Variants in USP1 observed in about 807,000 individuals in gnomAD.
The protein encoded by USP1 is ubiquitin specific peptidase 1.
A neutral mutation model predicts 72.2 loss-of-function variants in USP1; 18 were observed. That is an observed-to-expected ratio of 0.25 (90% CI 0.17 to 0.37). The LOEUF is 0.37. Among genes scored for constraint, USP1 ranks in the 10% least tolerant of loss-of-function variants. The probability of loss-of-function intolerance (pLI) is 1.00; values close to 1 mark genes in which losing one functional copy is unlikely to be tolerated. For synonymous variants in USP1, 354 were observed against 303.7 expected (o/e 1.17, Z -1.72); for missense variants, 759 against 884.9 (o/e 0.86, Z 1.81).
At chr1:62,445,813 T>C (rs1485232314) in intron 6 of USP1, among the ~76,000 whole-genome samples, 3 of 152,098 alleles carry the variant, frequency 2.0e-5, no homozygotes, top group African/African-American at 7.2e-5. Flanking sequence ...ACCCCGTCTC[T>C]ACTAAAAATG....
chr1:62,448,738 G>A (rs765646873), intron 8 of USP1, 72 bp downstream of exon 8: 199 of 1,432,766 alleles, frequency 1.4e-4, no homozygotes, highest in Non-Finnish European at 1.8e-4. Context: ...TCAAAATGCT[G>A]TAATAGTAGG....
chr1:62,436,602 G>GT (rs1645088848), upstream of USP1: 1 of 152,882 alleles, frequency 6.5e-6, no homozygotes. Context: ...GGGAGGCGCG[G>GT]TTTTGGGGAT....
At position 62,445,176 on chromosome 1, in the gene USP1, A is replaced by T; in HGVS notation, c.996A>T (p.Gln332His). The T allele has an allele frequency of 6.2e-7, 1 of 1,612,706 alleles. No individual in the cohort carries two copies. Among genetic ancestry groups the T allele is most frequent in the East Asian group, 2.2e-5 (1 of 44,826 alleles). ...ISENESPRPS[Q>H]KKSRVKINWL... is the part of the protein sequence containing the mutation. ...AAAATGAGAGTCCAAGACCCTCACA[A>T]AAGAAATCAAGAGTTAAAATAAATT... is the stretch of plus-strand genomic sequence containing the variant. Residue 332 changes from glutamine (Q) to histidine (H), a missense_variant, in exon 6 of 9, where the codon CAA (glutamine) becomes CAT (histidine). By Grantham distance (24) the Gln-to-His change is conservative. Transcript: ENST00000339950.
chr1:62,436,813 C>G (rs1394599997), upstream of USP1: 1 of 278,416 alleles, frequency 3.6e-6, no homozygotes, highest in Non-Finnish European at 6.7e-6. Context: ...GCACGAGCTG[C>G]CCGGCTCTGT....
At chr1:62,437,885 T>A (rs1645102696) in intron 1 of USP1, among the ~76,000 whole-genome samples, 1 of 152,230 alleles carries the variant, frequency 6.6e-6, no homozygotes, top group African/African-American at 2.4e-5. Flanking sequence ...CCTTGTAGAT[T>A]TTTGTTGAAA....
intron 5 of USP1, among the ~76,000 whole-genome samples, 193 bp from the exon 6 acceptor site, chr1:62,444,542 TATA>T (rs1553145292): frequency 6.6e-6 from 1 of 152,192 alleles, no homozygotes; most frequent in African/African-American, 2.4e-5. Flanking sequence ...ATCAAAGTAT[TATA>T]ATGAAAATAG....
At position 62,437,329 on chromosome 1, in the gene USP1, G is replaced by A; in HGVS notation, c.-141G>A. The A allele has an allele frequency of 2.5e-6, 1 of 396,184 alleles. No individual in the cohort carries two copies. The highest frequency in any genetic ancestry group is 4.4e-6 in the Non-Finnish European group (1 of 224,998). 24.5% of individuals were successfully genotyped at this position (396,184 alleles called of 1,614,324 possible). ...GCGGGCTCGGGGCAGGGACTCACCT[G>A]TCGCACCCACACTCATTCGGGTTGG... is the stretch of plus-strand genomic sequence containing the variant. On this transcript the variant is annotated 5_prime_UTR_variant, in exon 1 of 9. Coordinates refer to ENST00000339950, the MANE Select transcript of USP1 (RefSeq NM_003368.5).
chr1:62,451,097 C>A lies in USP1; in HGVS notation c.*116C>A. ...TGAAGCTACTGGATATTATTGGTCT[C>A]TCTAGGTTTTTATATAAATAGTGAA... On this transcript the variant is annotated 3_prime_UTR_variant, in exon 9 of 9. Transcript: ENST00000339950. The A allele has an allele frequency of 1.9e-6, 2 of 1,056,798 alleles. No individual in the cohort carries two copies. The highest frequency in any genetic ancestry group is 2.7e-5 in the East Asian group (1 of 36,560). The allele number at this position is 1,056,798 out of a possible 1,614,324, so 65.5% of individuals were successfully genotyped here. A position where few individuals can be genotyped will look rare whatever the true frequency, so the allele number is the denominator to read the frequency against.
chr1:62,446,100 AT>A (rs1452515852), intron 6 of USP1, among the ~76,000 whole-genome samples: 1 of 152,232 alleles, frequency 6.6e-6, no homozygotes, highest in African/African-American at 2.4e-5. Flanking sequence ...ATTTAGTGAA[AT>A]TTTAAAAGTA....
In USP1 at chr1:62,451,583, A is replaced by T. The variant is rs1645221499; in HGVS notation, c.*602A>T. 1 of 152,700 alleles carries T rather than the reference A, an allele frequency of 6.5e-6. No homozygotes were observed. Among genetic ancestry groups the T allele is most frequent in the African/African-American group, 2.4e-5 (1 of 41,432 alleles). The allele number at this position is 152,700 out of a possible 1,614,324, so 9.5% of individuals were successfully genotyped here. A position where few individuals can be genotyped will look rare whatever the true frequency, so the allele number is the denominator to read the frequency against. The stretch of plus-strand genomic sequence containing the variant: ...TATGTATTTATGAAGATGATTCTGT[A>T]CCCTAGTATATCTTTTTGGGCATGG... On this transcript the variant is annotated 3_prime_UTR_variant, in exon 9 of 9. Transcript: ENST00000339950.
rs1212708878 is a variant in USP1 at position 62,443,103 on chromosome 1, G to A, written c.397-56G>A. 3.2e-6 allele frequency: 5 copies of A among 1,549,072 alleles called. No homozygotes were observed. In the East Asian group the frequency reaches 1.2e-4, roughly 36 times the overall value. On this transcript the variant is annotated intron_variant, in intron 4 of 8. Transcript: ENST00000339950. ...TCTTAAGTGAGACAAAGACAAAGGG[G>A]GAAGGTACTTAATTTGTTCATAAAA...
At position 62,444,907 on chromosome 1, in the gene USP1, A is replaced by C; in HGVS notation, c.727A>C (p.Met243Leu). The C allele has an allele frequency of 6.2e-7, 1 of 1,613,778 alleles. No individual in the cohort carries two copies. The highest frequency in any genetic ancestry group is 2.2e-5 in the East Asian group (1 of 44,780). The change falls in exon 6 of 9, where the codon ATG (methionine) becomes CTG (leucine). Residue 243 changes from methionine to leucine, a missense_variant. By Grantham distance (15) the Met-to-Leu change is conservative. This residue lies in a region of USP1 where 245 missense variants were observed against 240.7 expected (regional missense o/e 1.02). Coordinates refer to ENST00000339950, the MANE Select transcript of USP1 (RefSeq NM_003368.5). The stretch of plus-strand genomic sequence containing the variant: ...AGAAATACCTCATCCGAAAGAGGAA[A>C]TGAATGGTATTAACAGCATAGAGAT... The part of the protein sequence containing the change: ...VEEIPHPKEE[M>L]NGINSIEMDS...
chr1:62,437,258 C>T lies in USP1; in HGVS notation c.-212C>T, dbSNP rs1276295750. The T allele has an allele frequency of 2.5e-6, 1 of 398,048 alleles. No homozygotes were observed. Among genetic ancestry groups the T allele is most frequent in the African/African-American group, 2.1e-5 (1 of 48,602 alleles). The allele number at this position is 398,048 out of a possible 1,614,324, so 24.7% of individuals were successfully genotyped here. A position where few individuals can be genotyped will look rare whatever the true frequency, so the allele number is the denominator to read the frequency against. On this transcript the variant is annotated 5_prime_UTR_variant, in exon 1 of 9. Coordinates refer to ENST00000339950, the MANE Select transcript of USP1 (RefSeq NM_003368.5). ...TCTTGGGAGCGGATGGTCACTCCCC[C>T]GCGGGGAGGGCGAGCCGACCAGATT...
chr1:62,447,537 G>T, intron 7 of USP1, 26 bp downstream of exon 7: 1 of 1,590,142 alleles, frequency 6.3e-7, no homozygotes, highest in Non-Finnish European at 8.5e-7. Context: ...GTCTTGTGTG[G>T]ACCATGATGG....
In USP1 at chr1:62,443,191, T is replaced by G. The variant is rs779659463; in HGVS notation, c.429T>G (p.Tyr143Ter). Reference sequence around the variant, plus strand: ...GCAAAGAAGATTCTTTGGCAAGTTATGAATTGATATGCAGTTTACAGTCCT... The same window carrying G: ...GCAAAGAAGATTCTTTGGCAAGTTAGGAATTGATATGCAGTTTACAGTCCT... Reference protein sequence around the residue: ...GNCKEDSLASYELICSLQSLI... With the variant: ...GNCKEDSLAS The change falls in exon 5 of 9, where the codon TAT becomes TAG. Residue 143 changes from tyrosine to a stop codon, truncating the protein, a stop_gained. Coordinates refer to ENST00000339950, the MANE Select transcript of USP1 (RefSeq NM_003368.5). LOFTEE classifies it high-confidence loss of function. 6.2e-7 allele frequency: 1 copy of G among 1,611,582 alleles called. No homozygotes were observed. The highest frequency in any genetic ancestry group is 8.5e-7 in the Non-Finnish European group (1 of 1,179,444).
intron 8 of USP1, among the ~76,000 whole-genome samples, chr1:62,449,689 A>G (rs2149208196): frequency 6.6e-6 from 1 of 152,256 alleles, no homozygotes; most frequent in Non-Finnish European, 1.5e-5. Flanking sequence ...GCTGAGATGG[A>G]TGGCTTGCAC....
In USP1 at chr1:62,443,178, C is replaced by G. The variant is rs765452651; in HGVS notation, c.416C>G (p.Ser139Cys). The change falls in exon 5 of 9, where the codon TCT becomes TGT. Residue 139 changes from serine (S) to cysteine (C), a missense_variant. Coordinates refer to ENST00000339950, the MANE Select transcript of USP1 (RefSeq NM_003368.5). ...QKDKGNCKED[S>C]LASYELICSL... Reference sequence around the variant, plus strand: ...TGACAGGGAAATTGCAAAGAAGATTCTTTGGCAAGTTATGAATTGATATGC... The same window carrying G: ...TGACAGGGAAATTGCAAAGAAGATTGTTTGGCAAGTTATGAATTGATATGC... 1.9e-6 allele frequency: 3 copies of G among 1,609,050 alleles called. No homozygotes were observed. The South Asian group carries it at 3.4e-5, about 18-fold the overall frequency.
rs914332162 is a variant in USP1, at chr1:62,437,584, G to T, written c.-70+184G>T. Among the ~76,000 whole-genome samples the T allele has an allele frequency of 6.6e-5, 10 of 152,114 alleles. No individual in the cohort carries two copies. In the East Asian group the frequency reaches 1.8e-3, roughly 27 times the overall value. The stretch of plus-strand genomic sequence containing the variant: ...CTTGCCGCCGCCGGGACGCGAGAAG[G>T]CAGGTGCGGGCTGGGCGTAAATAGG... On this transcript the variant is annotated intron_variant, in intron 1 of 8. Coordinates refer to ENST00000339950, the MANE Select transcript of USP1 (RefSeq NM_003368.5).
At chr1:62,445,979 CA>C (rs918267584) in intron 6 of USP1, among the ~76,000 whole-genome samples, 1 of 147,140 alleles carries the variant, frequency 6.8e-6, no homozygotes, top group Non-Finnish European at 1.5e-5. Flanking sequence ...GACTCCGTCT[CA>C]AAAAAAAACA....
Sources: allele counts gnomAD v4.1 joint callset (sites outside exome capture counted in the v4.1 genomes callset), GRCh38; gene constraint gnomAD v4.1.1; regional missense constraint gnomAD v4.1.1; transcripts MANE v1.5; gene names NCBI Gene and HGNC (gene_info 2026-07-23, HGNC 2026-07-21).